Variants in WDR41 observed in about 807,000 individuals in gnomAD.
WDR41 encodes the protein WD repeat-containing protein 41.
In WDR41, 63 loss-of-function variants were observed where a neutral mutation model predicts 69.3. The observed-to-expected ratio is 0.91, with a 90% CI of 0.74 to 1.12. The LOEUF (loss-of-function observed/expected upper bound fraction) is 1.12. Ranked by LOEUF, WDR41 falls within the 50% of genes most tolerant of loss-of-function variation. The probability of loss-of-function intolerance (pLI) is 0.00; values close to 1 mark genes in which losing one functional copy is unlikely to be tolerated. For missense variants in WDR41, 543 were observed against 534.5 expected (o/e 1.02, Z -0.16); for synonymous variants, 185 against 192.1 (o/e 0.96, Z 0.31).
intron 1 of WDR41, among the ~76,000 whole-genome samples, chr5:77,535,892 A>G (rs890517854): frequency 1.3e-5 from 2 of 152,194 alleles, no homozygotes; most frequent in Non-Finnish European, 2.9e-5. Flanking sequence ...TCTTAGCTCT[A>G]CTGAGAAATT....
At chr5:77,474,202 G>A (rs373183279) in intron 2 of WDR41, among the ~76,000 whole-genome samples, 4 of 151,862 alleles carry the variant, frequency 2.6e-5, no homozygotes, top group East Asian at 3.9e-4. Context: ...ACCAAACACC[G>A]CATGTTCTCA....
chr5:77,462,681 G>C (rs1800124087), intron 4 of WDR41, among the ~76,000 whole-genome samples: 1 of 152,026 alleles, frequency 6.6e-6, no homozygotes, highest in Non-Finnish European at 1.5e-5. Context: ...AGATTTTTAT[G>C]GGTTGGGACC....
At chr5:77,609,866 A>C (rs568258952) in intron 1 of WDR41, among the ~76,000 whole-genome samples, 1 of 152,244 alleles carries the variant, frequency 6.6e-6, no homozygotes, top group Non-Finnish European at 1.5e-5. Context: ...TCTGAGCTAC[A>C]GGAGGAAATT....
At chr5:77,464,503 T>TC (rs1459088059) in intron 3 of WDR41, among the ~76,000 whole-genome samples, 1 of 151,962 alleles carries the variant, frequency 6.6e-6, no homozygotes, top group Non-Finnish European at 1.5e-5. Flanking sequence ...CGCCTTGGCC[T>TC]CCCAAAGTCC....
rs530663198 is a variant in WDR41, at chr5:77,560,705, T to C, written c.42+59774A>G. Among the ~76,000 whole-genome samples, 9 of 152,300 alleles carry C rather than the reference T, an allele frequency of 5.9e-5. 1 individual carries two copies. The East Asian group carries it at 9.6e-4, about 16-fold the overall frequency. On this transcript the variant is annotated intron_variant, in intron 1 of 5. Coordinates refer to the WDR41 transcript ENST00000509971. ...CCAGGAAATTAGTAATCAAGTTAAT[T>C]TAAAATGAATAATTTATATCAAAGG...
At chr5:77,456,559 T>C (rs1799841145) in intron 5 of WDR41, among the ~76,000 whole-genome samples, 3 of 152,218 alleles carry the variant, frequency 2.0e-5, no homozygotes, top group African/African-American at 7.2e-5. Context: ...CCAATATGGA[T>C]GTCATTTATC....
intron 2 of WDR41, among the ~76,000 whole-genome samples, chr5:77,479,403 C>G (rs931789409): frequency 3.1e-4 from 47 of 152,164 alleles, no homozygotes; most frequent in African/African-American, 1.0e-3. Context: ...GGAGGCATCA[C>G]ACTACCTGAC....
At chr5:77,478,623 CA>C (rs1801079376) in intron 2 of WDR41, among the ~76,000 whole-genome samples, 1 of 152,130 alleles carries the variant, frequency 6.6e-6, no homozygotes, top group African/African-American at 2.4e-5. Context: ...CAAAATTCAA[CA>C]ACACTTCATG....
chr5:77,549,238 T>C (rs999207001), intron 1 of WDR41, among the ~76,000 whole-genome samples: 4 of 152,126 alleles, frequency 2.6e-5, no homozygotes, highest in African/African-American at 9.7e-5. Context: ...CTAAAGAGCT[T>C]ACTCATGTAA....
chr5:77,473,633 A>C (rs988857798), intron 2 of WDR41, among the ~76,000 whole-genome samples: 4 of 152,252 alleles, frequency 2.6e-5, no homozygotes, highest in African/African-American at 9.6e-5. Flanking sequence ...AAGTGGGTAA[A>C]GGATATGAAC....
chr5:77,582,925 A>C, intron 1 of WDR41: 1 of 1,609,696 alleles, frequency 6.2e-7, no homozygotes, highest in South Asian at 1.1e-5. Flanking sequence ...TAAATACGGC[A>C]TTATCTGCAT....
At position 77,436,312 on chromosome 5, in the gene WDR41, T is replaced by C; in HGVS notation, c.1176A>G (p.Ser392=). 6.2e-7 allele frequency: 1 copy of C among 1,614,110 alleles called. No individual in the cohort carries two copies. Among genetic ancestry groups the C allele is most frequent in the Non-Finnish European group, 8.5e-7 (1 of 1,179,984 alleles). ...PVKKQQENAT[S]CSLELIGDLI... Reference sequence around the variant, plus strand: ...AATCTCCAATAAGCTCCAGTGAACATGAAGTAGCATTTTCTTGCTGCTTTT... The same window carrying C: ...AATCTCCAATAAGCTCCAGTGAACACGAAGTAGCATTTTCTTGCTGCTTTT... The change falls in exon 12 of 13, where the codon TCA becomes TCG. Residue 392 remains serine, a synonymous_variant. Transcript: ENST00000296679.
chr5:77,583,466 C>T (rs7705832), intron 1 of WDR41, among the ~76,000 whole-genome samples: 26 of 151,206 alleles, frequency 1.7e-4, no homozygotes, highest in African/African-American at 5.8e-4. Context: ...GAGTTGAGAT[C>T]GTACCACCAC....
intron 4 of WDR41, among the ~76,000 whole-genome samples, chr5:77,460,329 G>T (rs905444389): frequency 1.2e-4 from 18 of 152,126 alleles, no homozygotes; most frequent in African/African-American, 4.3e-4. Context: ...TACATTTTAT[G>T]TATATAACAC....
chr5:77,583,637 C>T (rs1743983699), intron 1 of WDR41, among the ~76,000 whole-genome samples: 1 of 151,958 alleles, frequency 6.6e-6, no homozygotes, highest in Non-Finnish European at 1.5e-5. Context: ...TAAAAAACTA[C>T]CAACAGTGAA....
chr5:77,506,587 CAT>C (rs1802111598), intron 1 of WDR41, among the ~76,000 whole-genome samples: 1 of 152,134 alleles, frequency 6.6e-6, no homozygotes, highest in Non-Finnish European at 1.5e-5. Flanking sequence ...CACATGCACA[CAT>C]ATGTTTATTG....
chr5:77,565,390 G>C (rs189612787), intron 1 of WDR41, among the ~76,000 whole-genome samples: 1 of 152,140 alleles, frequency 6.6e-6, no homozygotes, highest in East Asian at 1.9e-4. Flanking sequence ...TACTTTTTCA[G>C]ATCTAATTTT....
intron 1 of WDR41, among the ~76,000 whole-genome samples, chr5:77,587,299 A>T (rs887190796): frequency 6.6e-6 from 1 of 152,080 alleles, no homozygotes. Flanking sequence ...ACTTCCCTAA[A>T]CCAGTCCAGT....
At chr5:77,560,065 T>C (rs935327141) in intron 1 of WDR41, among the ~76,000 whole-genome samples, 2 of 152,150 alleles carry the variant, frequency 1.3e-5, no homozygotes, top group Non-Finnish European at 2.9e-5. Flanking sequence ...AATTAGACAC[T>C]AAAATTTTAA....
Sources: gnomAD v4.1 joint callset for allele counts (sites outside exome capture counted in the v4.1 genomes callset) on GRCh38, gnomAD v4.1.1 for gene constraint, MANE v1.5 for transcripts, NCBI Gene and HGNC (gene_info 2026-07-23, HGNC 2026-07-21) for gene names.